Variants in SUMF1 observed in about 807,000 individuals in gnomAD.
The protein encoded by SUMF1 is sulfatase modifying factor 1.
Under a neutral mutation model 47.6 loss-of-function variants are expected in SUMF1, and 48 were observed. The observed-to-expected ratio is 1.01, with a 90% confidence interval of 0.80 to 1.28. The LOEUF is 1.28. Among genes scored for constraint, SUMF1 ranks in the 50% most tolerant of loss-of-function variants. The pLI is 0.00. For synonymous variants in SUMF1, 230 were observed against 192.1 expected (o/e 1.20, Z -1.63); for missense variants, 571 against 485.4 (o/e 1.18, Z -1.66).
At chr3:4,125,823 TGCATGACCACATGTG>T (rs1304367277) in intron 8 of SUMF1, among the ~76,000 whole-genome samples, 2 of 152,114 alleles carry the variant, frequency 1.3e-5, no homozygotes, top group African/African-American at 4.8e-5. Flanking sequence ...ACTACAGGTG[TGCATGACCACATGTG>T]GCTAGTTTTT....
intron 8 of SUMF1, among the ~76,000 whole-genome samples, chr3:4,353,779 TC>T (rs904919592): frequency 1.8e-4 from 27 of 152,086 alleles, no homozygotes; most frequent in Non-Finnish European, 8.8e-5. Context: ...AGATAAAACC[TC>T]CTACAACAGG....
At chr3:4,070,079 T>C (rs1019406468) in intron 8 of SUMF1, among the ~76,000 whole-genome samples, 1 of 152,192 alleles carries the variant, frequency 6.6e-6, no homozygotes, top group African/African-American at 2.4e-5. Context: ...TTCCTTTCCA[T>C]TGATCCCAGG....
At chr3:4,321,685 G>A (rs1698838688) in intron 8 of SUMF1, among the ~76,000 whole-genome samples, 1 of 152,006 alleles carries the variant, frequency 6.6e-6, no homozygotes, top group Non-Finnish European at 1.5e-5. Context: ...AATAAATGGG[G>A]TAAAGACAAA....
chr3:4,303,245 A>T (rs1698017852), intron 8 of SUMF1: 1 of 1,078,072 alleles, frequency 9.3e-7, no homozygotes, highest in African/African-American at 1.7e-5. Context: ...AGCGCCTTCC[A>T]GGCCACTCCT....
intron 8 of SUMF1, among the ~76,000 whole-genome samples, chr3:4,258,048 T>G (rs1171285373): frequency 6.6e-6 from 1 of 151,684 alleles, no homozygotes; most frequent in Non-Finnish European, 1.5e-5. Flanking sequence ...CTGGGAAAAC[T>G]GGCTAGCCAT....
At chr3:4,050,886 A>T (rs1203096906) in intron 9 of SUMF1, among the ~76,000 whole-genome samples, 1 of 151,938 alleles carries the variant, frequency 6.6e-6, no homozygotes, top group African/African-American at 2.4e-5. Flanking sequence ...TCTAAGAAAC[A>T]TAATCTTCAA....
At chr3:4,456,960 GTA>G (rs374147029) in intron 1 of SUMF1, among the ~76,000 whole-genome samples, 2 of 80,856 alleles carry the variant, frequency 2.5e-5, no homozygotes, top group East Asian at 2.9e-4. Context: ...ATACGTGTGT[GTA>G]TATATATACG....
intron 8 of SUMF1, among the ~76,000 whole-genome samples, chr3:4,285,793 T>C (rs1697621158): frequency 6.6e-6 from 1 of 152,096 alleles, no homozygotes; most frequent in Admixed American, 6.5e-5. Flanking sequence ...GATATATTCA[T>C]CCAAATGCAC....
intron 8 of SUMF1, among the ~76,000 whole-genome samples, chr3:4,190,355 C>G (rs981404323): frequency 1.3e-5 from 2 of 151,970 alleles, no homozygotes; most frequent in Non-Finnish European, 2.9e-5. Flanking sequence ...GTAGGCAGCT[C>G]CACATTACCA....
At chr3:4,363,358 T>C (rs150113910) in intron 8 of SUMF1, among the ~76,000 whole-genome samples, 23 of 152,340 alleles carry the variant, frequency 1.5e-4, no homozygotes, top group Admixed American at 1.4e-3. Flanking sequence ...TTTTTAAAAA[T>C]ACATTGCTCT....
intron 7 of SUMF1, among the ~76,000 whole-genome samples, chr3:4,385,957 T>G (rs1210878931): frequency 6.6e-6 from 1 of 152,166 alleles, no homozygotes; most frequent in East Asian, 1.9e-4. Flanking sequence ...GTGGGCCTAT[T>G]TCTGGATTCT....
At chr3:4,159,222 C>T in intron 8 of SUMF1, among the ~76,000 whole-genome samples, 1 of 149,028 alleles carries the variant, frequency 6.7e-6, no homozygotes, top group African/African-American at 2.5e-5. Context: ...CCTCTTCCTT[C>T]TTTCTTTTCT....
intron 8 of SUMF1, among the ~76,000 whole-genome samples, chr3:4,333,758 G>C (rs542500419): frequency 6.6e-6 from 1 of 152,186 alleles, no homozygotes; most frequent in South Asian, 2.1e-4. Flanking sequence ...ATAGTGTGGA[G>C]TAAATATAAA....
chr3:4,456,845 CGTGT>C (rs144252545), intron 1 of SUMF1, among the ~76,000 whole-genome samples: 53 of 80,338 alleles, frequency 6.6e-4, no homozygotes, highest in East Asian at 2.4e-3. Context: ...TATATATATA[CGTGT>C]GTGTATATAT....
chr3:4,313,286 T>A, intron 8 of SUMF1: 1 of 1,613,958 alleles, frequency 6.2e-7, no homozygotes, highest in Non-Finnish European at 8.5e-7. Flanking sequence ...CAGAGAAGAA[T>A]TCACTTACAA....
At chr3:4,408,731 G>T (rs978791562) in intron 7 of SUMF1, among the ~76,000 whole-genome samples, 1 of 152,194 alleles carries the variant, frequency 6.6e-6, no homozygotes, top group Non-Finnish European at 1.5e-5. Context: ...AGAACTTTGG[G>T]GGGACAAGGC....
At chr3:4,044,012 A>G (rs1694961999) in intron 9 of SUMF1, among the ~76,000 whole-genome samples, 1 of 151,958 alleles carries the variant, frequency 6.6e-6, no homozygotes, top group African/African-American at 2.4e-5. Flanking sequence ...TACTATTTCA[A>G]ATTTATAGCA....
At chr3:4,299,741 T>C (rs1575063446) in intron 8 of SUMF1, among the ~76,000 whole-genome samples, 1 of 152,054 alleles carries the variant, frequency 6.6e-6, no homozygotes, top group Non-Finnish European at 1.5e-5. Context: ...ACCCAAGAGG[T>C]GGAGGTTGCA....
chr3:4,342,233 T>C (rs569970445), intron 8 of SUMF1, among the ~76,000 whole-genome samples: 2 of 152,190 alleles, frequency 1.3e-5, no homozygotes, highest in African/African-American at 4.8e-5. Context: ...GTTATCATCG[T>C]TGTTGTTTTT....
Sources: gnomAD v4.1 joint callset for allele counts (sites outside exome capture counted in the v4.1 genomes callset) on GRCh38, gnomAD v4.1.1 for gene constraint, MANE v1.5 for transcripts, NCBI Gene and HGNC (gene_info 2026-07-23, HGNC 2026-07-21) for gene names.